The following FSHR variants were observed in gnomAD, a reference collection of about 807,000 sequenced individuals.
The protein encoded by FSHR is follicle stimulating hormone receptor.
Under a neutral mutation model 52.1 loss-of-function variants are expected in FSHR, and 46 were observed. That is an observed-to-expected ratio of 0.88 (90% confidence interval 0.70 to 1.13). FSHR has a LOEUF of 1.13. Ranked by LOEUF, FSHR falls within the 50% of genes most tolerant of loss-of-function variation. FSHR has a pLI of 0.00. For synonymous variants in FSHR, 399 were observed against 309.6 expected, an observed-to-expected ratio of 1.29 and a Z score of -3.03; for missense variants, 964 against 834.6, an observed-to-expected ratio of 1.16 and a Z score of -1.91.
At chr2:49,147,770 C>T (rs900432863) in intron 1 of FSHR, among the ~76,000 whole-genome samples, 1 of 151,758 alleles carries the variant, frequency 6.6e-6, no homozygotes, top group African/African-American at 2.4e-5. Flanking sequence ...AACCTCCCTT[C>T]CCCCAGCCCA....
chr2:49,110,665 A>C (rs1301792729), intron 1 of FSHR, among the ~76,000 whole-genome samples: 2 of 152,106 alleles, frequency 1.3e-5, no homozygotes, highest in African/African-American at 4.8e-5. Flanking sequence ...GTGCCTTATA[A>C]ATGCCTGTTA....
At chr2:49,123,282 C>T (rs1328838440) in intron 1 of FSHR, among the ~76,000 whole-genome samples, 1 of 152,102 alleles carries the variant, frequency 6.6e-6, no homozygotes, top group Non-Finnish European at 1.5e-5. Flanking sequence ...GGGCAGATTG[C>T]TCGAGACCAG....
intron 4 of FSHR, among the ~76,000 whole-genome samples, chr2:49,003,193 A>G (rs1205524380): frequency 6.6e-6 from 1 of 152,090 alleles, no homozygotes; most frequent in Non-Finnish European, 1.5e-5. Context: ...CAGTGTTCAC[A>G]CTCTGTGATG....
chr2:48,989,568 A>G (rs913629705), intron 5 of FSHR, among the ~76,000 whole-genome samples: 1 of 152,194 alleles, frequency 6.6e-6, no homozygotes, highest in African/African-American at 2.4e-5. Context: ...GCCACTGGCC[A>G]CTGTGCATGG....
chr2:48,982,969 T>C lies in FSHR; in HGVS notation c.611A>G (p.Asn204Ser). The change falls in exon 8 of 10, where the codon AAT becomes AGT. Residue 204 changes from asparagine (N) to serine (S), a missense_variant. Physicochemically the swap from Asn to Ser is conservative, Grantham distance 46. Coordinates refer to ENST00000406846, the MANE Select transcript of FSHR (RefSeq NM_000145.4). ...ATCATTAGGCAATTCTTCTAAATTA[T>C]TATTATCGCTTAGATTCCTGGGGAT... is the stretch of plus-strand genomic sequence containing the variant. ...QLDELNLSDN[N>S]NLEELPNDVF... 1 of 1,614,056 alleles carries C rather than the reference T, an allele frequency of 6.2e-7. No homozygotes were observed.
At chr2:49,046,930 T>A (rs1029677372) in intron 2 of FSHR, among the ~76,000 whole-genome samples, 1 of 152,206 alleles carries the variant, frequency 6.6e-6, no homozygotes, top group African/African-American at 2.4e-5. Flanking sequence ...CAGGGACTGA[T>A]GGAAGTCACA....
intron 8 of FSHR, among the ~76,000 whole-genome samples, chr2:48,975,562 C>A: frequency 6.6e-6 from 1 of 152,158 alleles, no homozygotes; most frequent in East Asian, 1.9e-4. Flanking sequence ...GCTATAGCTT[C>A]CCTGGTTCTC....
At chr2:49,012,905 A>G (rs951534370) in intron 4 of FSHR, among the ~76,000 whole-genome samples, 4 of 152,100 alleles carry the variant, frequency 2.6e-5, no homozygotes, top group Non-Finnish European at 4.4e-5. Context: ...TCAAAACTCA[A>G]TTGTTAAAAC....
chr2:49,003,581 G>A lies in FSHR; in HGVS notation c.375-12944C>T, dbSNP rs550497652. ...AGGATCTTATCGCCTAAGAATACACGTTATGAAAGATAAAGTAGAAGAGAT... is the reference window on the plus strand; with the variant it reads ...AGGATCTTATCGCCTAAGAATACACATTATGAAAGATAAAGTAGAAGAGAT... On this transcript the variant is annotated intron_variant, in intron 4 of 9. Coordinates refer to ENST00000406846, the MANE Select transcript of FSHR (RefSeq NM_000145.4). Among the ~76,000 whole-genome samples, 751 of 152,106 alleles carry A rather than the reference G, an allele frequency of 4.9e-3. 8 individuals carry two copies. The highest frequency in any genetic ancestry group is 0.017 in the African/African-American group (717 of 41,500).
At chr2:49,119,054 G>A (rs1233852151) in intron 1 of FSHR, among the ~76,000 whole-genome samples, 1 of 152,170 alleles carries the variant, frequency 6.6e-6, no homozygotes, top group African/African-American at 2.4e-5. Flanking sequence ...ACCAGCGTTT[G>A]GGGACCTCCA....
chr2:49,003,867 C>T (rs560533627), intron 4 of FSHR, among the ~76,000 whole-genome samples: 3 of 151,802 alleles, frequency 2.0e-5, no homozygotes, highest in Admixed American at 2.0e-4. Flanking sequence ...CTGCCCACTG[C>T]CCTGCCCTGC....
chr2:49,126,007 G>C (rs1376147892), intron 1 of FSHR, among the ~76,000 whole-genome samples: 1 of 152,182 alleles, frequency 6.6e-6, no homozygotes, highest in Admixed American at 6.5e-5. Flanking sequence ...ATCATAACAA[G>C]CCAGAAGAAA....
At chr2:49,049,759 C>G (rs980940989) in intron 2 of FSHR, among the ~76,000 whole-genome samples, 1 of 151,348 alleles carries the variant, frequency 6.6e-6, no homozygotes, top group African/African-American at 2.4e-5. Context: ...AGGTTGGGAA[C>G]ATCTATAAAA....
At chr2:48,974,346 T>G (rs1341573553) in intron 8 of FSHR, among the ~76,000 whole-genome samples, 1 of 152,230 alleles carries the variant, frequency 6.6e-6, no homozygotes. Flanking sequence ...CTTCATTGCC[T>G]TTCCGTTGCT....
intron 1 of FSHR, among the ~76,000 whole-genome samples, chr2:49,072,964 C>G (rs373012812): frequency 3.9e-5 from 6 of 152,034 alleles, no homozygotes; most frequent in Admixed American, 3.9e-4. Context: ...TGATCTAGTT[C>G]TAATTAACAA....
chr2:49,088,147 G>T (rs1024121319), intron 1 of FSHR, among the ~76,000 whole-genome samples: 4 of 152,272 alleles, frequency 2.6e-5, no homozygotes, highest in South Asian at 2.1e-4. Context: ...TCTGAAGCCT[G>T]TCTGGTCCCA....
At chr2:49,058,756 G>T (rs1429067601) in intron 2 of FSHR, among the ~76,000 whole-genome samples, 1 of 151,914 alleles carries the variant, frequency 6.6e-6, no homozygotes, top group Non-Finnish European at 1.5e-5. Flanking sequence ...AGTGGAAAAA[G>T]GCCTCTACAG....
intron 1 of FSHR, among the ~76,000 whole-genome samples, chr2:49,101,349 A>G (rs899433196): frequency 4.3e-4 from 65 of 152,230 alleles, no homozygotes; most frequent in African/African-American, 1.5e-3. Context: ...AATAGGGTGG[A>G]GTCCCTCCAG....
chr2:49,113,285 T>C (rs1308819340), intron 1 of FSHR, among the ~76,000 whole-genome samples: 1 of 152,128 alleles, frequency 6.6e-6, no homozygotes, highest in African/African-American at 2.4e-5. Flanking sequence ...GGATTGGAAA[T>C]CTCTGGCAGA....
Sources: allele counts gnomAD v4.1 joint callset (sites outside exome capture counted in the v4.1 genomes callset), GRCh38; gene constraint gnomAD v4.1.1; transcripts MANE v1.5; gene names NCBI Gene and HGNC (gene_info 2026-07-23, HGNC 2026-07-21).